Variants in RELL1 observed in about 807,000 individuals in gnomAD.
The protein encoded by RELL1 is RELT-like protein 1.
RELL1 carries 10 observed loss-of-function variants against 23.0 expected under a neutral mutation model. The ratio of observed to expected loss-of-function variants is 0.43; its 90% confidence interval spans 0.27 to 0.74. The LOEUF is 0.74. Among genes scored for constraint, RELL1 ranks in the 30% least tolerant of loss-of-function variants. RELL1 has a pLI of 0.19. For synonymous variants in RELL1, 146 were observed against 146.8 expected, an observed-to-expected ratio of 0.99 and a Z score of 0.04; for missense variants, 315 against 364.4, an observed-to-expected ratio of 0.86 and a Z score of 1.10.
chr4:37,647,769 C>T (rs1286769507), intron 2 of RELL1, among the ~76,000 whole-genome samples: 2 of 152,116 alleles, frequency 1.3e-5, no homozygotes, highest in Non-Finnish European at 2.9e-5. Flanking sequence ...GGGAAGAAAG[C>T]TCATTAAAAA....
chr4:37,647,554 C>T (rs1057490270), intron 2 of RELL1, 115 bp from the exon 3 acceptor site: 1 of 668,560 alleles, frequency 1.5e-6, no homozygotes, highest in Non-Finnish European at 2.7e-6. Flanking sequence ...AGGAGATCAC[C>T]CATGGTGCTA....
chr4:37,632,343 G>A (rs1438016342), intron 5 of RELL1, among the ~76,000 whole-genome samples: 1 of 142,950 alleles, frequency 7.0e-6, no homozygotes, highest in Admixed American at 7.1e-5. Context: ...GGCTAATTTT[G>A]TATTTTTAGT....
chr4:37,625,340 G>A (rs1025201590), intron 6 of RELL1, among the ~76,000 whole-genome samples: 6 of 151,650 alleles, frequency 4.0e-5, no homozygotes, highest in South Asian at 2.1e-4. Context: ...TCCCAAAAGC[G>A]CAGGCAACAA....
At chr4:37,683,907 C>G (rs1722310477) in intron 1 of RELL1, among the ~76,000 whole-genome samples, 1 of 151,626 alleles carries the variant, frequency 6.6e-6, no homozygotes, top group African/African-American at 2.4e-5. Context: ...CGGTGAAACC[C>G]CGTCTCTACT....
intron 6 of RELL1, among the ~76,000 whole-genome samples, chr4:37,597,474 A>C (rs1370071197): frequency 6.6e-6 from 1 of 152,234 alleles, no homozygotes; most frequent in African/African-American, 2.4e-5. Context: ...TTCTAGGTCC[A>C]ACTCATTCTT....
At chr4:37,605,793 G>GAGAAAGAAAGAGAA (rs1553871641), downstream of RELL1, among the ~76,000 whole-genome samples, 21 of 90,396 alleles carry the variant, frequency 2.3e-4, no homozygotes, top group African/African-American at 8.1e-4. Flanking sequence ...GAGAAAGAAA[G>GAGAAAGAAAGAGAA]AGAAAGAAAG....
At chr4:37,665,703 A>T (rs570158966) in intron 1 of RELL1, among the ~76,000 whole-genome samples, 26 of 152,366 alleles carry the variant, frequency 1.7e-4, no homozygotes, top group African/African-American at 5.5e-4. Flanking sequence ...ACGCCATCTC[A>T]GCCTGTCTCC....
intron 1 of RELL1, among the ~76,000 whole-genome samples, chr4:37,650,834 G>A (rs563547223): frequency 4.5e-4 from 67 of 148,622 alleles, no homozygotes; most frequent in East Asian, 1.4e-3. Context: ...GGGAGGGGGC[G>A]AATCACTTGA....
intron 6 of RELL1, among the ~76,000 whole-genome samples, chr4:37,624,418 CTT>C (rs35118296): frequency 0.21 from 23,032 of 111,338 alleles, 2,121 homozygotes; most frequent in Non-Finnish European, 0.27. Flanking sequence ...TTCTTTCTTT[CTT>C]TTTTTTTTTT....
At chr4:37,607,134 CAAGAA>C (rs1351530745), downstream of RELL1, among the ~76,000 whole-genome samples, 1 of 152,100 alleles carries the variant, frequency 6.6e-6, no homozygotes, top group Non-Finnish European at 1.5e-5. Flanking sequence ...TCACGAAACA[CAAGAA>C]AAGACTAAAG....
intron 1 of RELL1, among the ~76,000 whole-genome samples, chr4:37,667,714 G>A (rs866299578): frequency 2.0e-5 from 3 of 150,226 alleles, no homozygotes; most frequent in Admixed American, 6.6e-5. Context: ...TAAAAGTTAC[G>A]TTCTTTCCAA....
chr4:37,658,849 C>G (rs1022166043), intron 1 of RELL1, among the ~76,000 whole-genome samples: 1 of 152,178 alleles, frequency 6.6e-6, no homozygotes, highest in Non-Finnish European at 1.5e-5. Context: ...ACCATGGATT[C>G]CAATTAGCAC....
rs563776760 is a variant in RELL1 at position 37,617,125 on chromosome 4, TC to T, written c.*4-3784del. 2.0e-4 allele frequency among the ~76,000 whole-genome samples: 30 copies of T among 152,298 alleles called. 1 individual carries two copies. In the South Asian group the frequency reaches 6.0e-3, roughly 31 times the overall value. On this transcript the variant is annotated intron_variant, in intron 6 of 6. Transcript: ENST00000454158. ...CATGCAATCTTTTAAAATCAGTGTT[TC>T]CCAGAATGATCAGCAGAACCTGCTT...
At chr4:37,655,033 T>C (rs777124576) in intron 1 of RELL1, among the ~76,000 whole-genome samples, 31 of 152,196 alleles carry the variant, frequency 2.0e-4, no homozygotes, top group Non-Finnish European at 3.7e-4. Context: ...TTAAAAAGTA[T>C]GTAGAGCAGA....
At chr4:37,649,232 A>T (rs1463212090) in intron 2 of RELL1, 44 bp downstream of exon 2, 24 of 1,482,018 alleles carry the variant, frequency 1.6e-5, no homozygotes, top group Non-Finnish European at 2.2e-5. Context: ...TCATATTTAA[A>T]AACTGTCTCC....
intron 3 of RELL1, among the ~76,000 whole-genome samples, chr4:37,639,262 T>C (rs1159179648): frequency 2.0e-5 from 3 of 151,744 alleles, no homozygotes; most frequent in Non-Finnish European, 4.4e-5. Context: ...CAGGCACCTG[T>C]AGTCCCAGCT....
chr4:37,607,088 T>C (rs1055515520), downstream of RELL1, among the ~76,000 whole-genome samples: 1 of 152,118 alleles, frequency 6.6e-6, no homozygotes, highest in East Asian at 1.9e-4. Flanking sequence ...AGGGAGAGTC[T>C]ACAAAAGAAC....
intron 6 of RELL1, among the ~76,000 whole-genome samples, chr4:37,595,722 C>T (rs1404303617): frequency 6.6e-6 from 1 of 151,856 alleles, no homozygotes; most frequent in East Asian, 1.9e-4. Flanking sequence ...TTGTGGTGGT[C>T]TGTGGAAAAG....
intron 1 of RELL1, among the ~76,000 whole-genome samples, chr4:37,670,943 G>A (rs1375122785): frequency 6.6e-6 from 1 of 152,192 alleles, no homozygotes. Context: ...ATTTCAGAGA[G>A]ATTATTCCAG....
Sources: gnomAD v4.1 joint callset for allele counts (sites outside exome capture counted in the v4.1 genomes callset) on GRCh38, gnomAD v4.1.1 for gene constraint, MANE v1.5 for transcripts, NCBI Gene and HGNC (gene_info 2026-07-23, HGNC 2026-07-21) for gene names.